The following MTRF1 variants were observed in gnomAD, a reference collection of about 807,000 sequenced individuals.
MTRF1 encodes the protein mitochondrial translation release factor 1, also known as peptide chain release factor 1, mitochondrial.
Under a neutral mutation model 62.9 loss-of-function variants are expected in MTRF1, and 51 were observed. That is an observed-to-expected ratio of 0.81 (90% CI 0.65 to 1.02). MTRF1 has a LOEUF of 1.02. Among genes scored for constraint, MTRF1 ranks in the 50% least tolerant of loss-of-function variants. The probability of loss-of-function intolerance (pLI) is 0.00; values close to 1 mark genes in which losing one functional copy is unlikely to be tolerated. For synonymous variants in MTRF1, 158 were observed against 181.9 expected, an observed-to-expected ratio of 0.87 and a Z score of 1.06; for missense variants, 446 against 530.0, an observed-to-expected ratio of 0.84 and a Z score of 1.56.
the MTRF1 span, among the ~76,000 whole-genome samples, chr13:41,312,023 C>T: frequency 2.6e-5 from 4 of 152,214 alleles, no homozygotes; most frequent in African/African-American, 7.2e-5. Flanking sequence ...TTAGATTGCA[C>T]AGCACACCCG....
intron 5 of MTRF1, chr13:41,252,341 C>T (rs956631913): frequency 5.4e-6 from 1 of 185,336 alleles, no homozygotes; most frequent in Non-Finnish European, 1.1e-5. Flanking sequence ...CCTTAATATA[C>T]CTTTGCTTTC....
At chr13:41,278,530 A>G in the MTRF1 span, among the ~76,000 whole-genome samples, 1 of 152,198 alleles carries the variant, frequency 6.6e-6, no homozygotes, top group East Asian at 1.9e-4. Flanking sequence ...ATTTCCTGTT[A>G]TAGCTGAAGT....
chr13:41,234,621 A>G (rs2036165982), intron 6 of MTRF1, among the ~76,000 whole-genome samples: 1 of 152,212 alleles, frequency 6.6e-6, no homozygotes, highest in Non-Finnish European at 1.5e-5. Context: ...TATATACTAT[A>G]TATTGTTGAT....
At chr13:41,266,340 GGTGGCTCACGC>G (rs1345471185), upstream of MTRF1, among the ~76,000 whole-genome samples, 5 of 152,122 alleles carry the variant, frequency 3.3e-5, no homozygotes. Context: ...GGCTGGGCGT[GGTGGCTCACGC>G]CTGTAACCCC....
chr13:41,261,105 A>C (rs1334740639), intron 1 of MTRF1, among the ~76,000 whole-genome samples, 190 bp from the exon 2 acceptor site: 1 of 152,222 alleles, frequency 6.6e-6, no homozygotes, highest in African/African-American at 2.4e-5. Context: ...AGGCTGAGGC[A>C]GGCGGATCAC....
At chr13:41,278,462 C>T in the MTRF1 span, among the ~76,000 whole-genome samples, 88 of 152,280 alleles carry the variant, frequency 5.8e-4, no homozygotes, top group African/African-American at 1.9e-3. Flanking sequence ...CCTATGTAAA[C>T]GGAGAGGATG....
the MTRF1 span, among the ~76,000 whole-genome samples, chr13:41,271,309 A>G: frequency 2.5e-4 from 38 of 152,310 alleles, 1 homozygote; most frequent in Non-Finnish European, 4.9e-4. Context: ...AATGTGCACA[A>G]AGACCATACT....
the MTRF1 span, among the ~76,000 whole-genome samples, chr13:41,286,983 G>A: frequency 6.6e-6 from 1 of 152,146 alleles, no homozygotes; most frequent in Admixed American, 6.6e-5. Flanking sequence ...TCCTATTTTA[G>A]AAACTACAGT....
Position 41,259,975 on chromosome 13 carries a change from A to G in MTRF1, c.415+518T>C, listed in dbSNP as rs575440126. The stretch of plus-strand genomic sequence containing the variant: ...CCCTAGTATGTAGGTACAGTGTTCA[A>G]TAAAGGTCTGCTCAATAAAATAAAG... On this transcript the variant is annotated intron_variant, in intron 2 of 9. Coordinates refer to ENST00000379480, the MANE Select transcript of MTRF1 (RefSeq NM_004294.4). 2.5e-4 allele frequency among the ~76,000 whole-genome samples: 38 copies of G among 152,346 alleles called. No individual in the cohort carries two copies. In the East Asian group the frequency reaches 4.6e-3, roughly 19 times the overall value.
chr13:41,233,893 T>C lies in MTRF1; in HGVS notation c.985A>G (p.Thr329Ala), dbSNP rs1180978824. The C allele has an allele frequency of 8.7e-6, 14 of 1,610,192 alleles. No individual in the cohort carries two copies. Among genetic ancestry groups the C allele is most frequent in the Non-Finnish European group, 1.2e-5 (14 of 1,176,410 alleles). Residue 329 changes from threonine to alanine, a missense_variant, in exon 7 of 10, where the codon ACA becomes GCA. Coordinates refer to ENST00000379480, the MANE Select transcript of MTRF1 (RefSeq NM_004294.4). ...CAAAGCCAAGGGGCTTGCTTACCTGTGGGGATGTGGACAAGTCTGACGGCA... is the reference window on the plus strand; with the variant it reads ...CAAAGCCAAGGGGCTTGCTTACCTGCGGGGATGTGGACAAGTCTGACGGCA... ...DSAVRLVHIP[T>A]GLVVECQQER...
At position 41,252,711 on chromosome 13, in the gene MTRF1, A is replaced by G. The variant is rs2039227103; in HGVS notation, c.631T>C (p.Tyr211His). 6.2e-7 allele frequency: 1 copy of G among 1,613,762 alleles called. No homozygotes were observed. ...TGTTTATAGCACGAATAATTCTGGT[A>G]CATGTCAAATATTTCTCGGGTAAAT... ...QQFTREIFDM[Y>H]QNYSCYKHWQ... is the part of the protein sequence containing the mutation. Residue 211 changes from tyrosine to histidine, a missense_variant, in exon 5 of 10, where the codon TAC becomes CAC. Transcript: ENST00000379480.
intron 5 of MTRF1, among the ~76,000 whole-genome samples, chr13:41,248,632 T>C (rs1227479643): frequency 6.6e-6 from 1 of 152,210 alleles, no homozygotes; most frequent in African/African-American, 2.4e-5. Flanking sequence ...TGCTGGGGCT[T>C]CCCGACAAAT....
upstream of MTRF1, among the ~76,000 whole-genome samples, chr13:41,268,233 C>T (rs2040862391): frequency 6.6e-6 from 1 of 152,178 alleles, no homozygotes; most frequent in Admixed American, 6.5e-5. Context: ...AGTAACCACA[C>T]ACCATTTCAT....
At chr13:41,264,566 TAGG>T (rs1463680427), upstream of MTRF1, among the ~76,000 whole-genome samples, 1 of 152,234 alleles carries the variant, frequency 6.6e-6, no homozygotes, top group East Asian at 1.9e-4. Context: ...CATACATAGA[TAGG>T]AGAATTAGCT....
the MTRF1 span, chr13:41,311,451 C>T: frequency 2.1e-6 from 3 of 1,415,584 alleles, no homozygotes; most frequent in Non-Finnish European, 2.9e-6. Context: ...GCGGTTCGTC[C>T]CGGTGCCCAC....
the MTRF1 span, among the ~76,000 whole-genome samples, chr13:41,273,849 A>C: frequency 0.015 from 2,323 of 152,006 alleles, 56 homozygotes; most frequent in African/African-American, 0.052. Context: ...ACAACAACAA[A>C]AAAAATGTAA....
intron 8 of MTRF1, among the ~76,000 whole-genome samples, chr13:41,225,560 G>C (rs1412008680): frequency 2.0e-5 from 3 of 152,168 alleles, no homozygotes; most frequent in East Asian, 1.9e-4. Flanking sequence ...GTGTGAAAAA[G>C]CTAGGATACA....
intron 6 of MTRF1, among the ~76,000 whole-genome samples, chr13:41,237,972 G>A (rs745628789): frequency 1.3e-4 from 19 of 151,930 alleles, no homozygotes; most frequent in East Asian, 1.9e-4. Context: ...TTATATTAAC[G>A]GAGAGATGTA....
At chr13:41,287,376 G>T in the MTRF1 span, among the ~76,000 whole-genome samples, 14 of 152,182 alleles carry the variant, frequency 9.2e-5, no homozygotes, top group African/African-American at 2.9e-4. Flanking sequence ...CAGAGCGAGA[G>T]CTCACTTATC....
Sources: gnomAD v4.1 joint callset for allele counts (sites outside exome capture counted in the v4.1 genomes callset) on GRCh38, gnomAD v4.1.1 for gene constraint, MANE v1.5 for transcripts, NCBI Gene and HGNC (gene_info 2026-07-23, HGNC 2026-07-21) for gene names.